USH2A: variants seen among roughly 807,000 people sequenced by gnomAD.
The protein encoded by USH2A is Usher syndrome 2A (autosomal recessive, mild).
In USH2A, 443 loss-of-function variants were observed where a neutral mutation model predicts 538.9. That is an observed-to-expected ratio of 0.82 (90% CI 0.76 to 0.89). The LOEUF is 0.89. Ranked by LOEUF, USH2A falls within the 40% of genes least tolerant of loss-of-function variation. The probability of loss-of-function intolerance (pLI) is 0.00; values close to 1 mark genes in which losing one functional copy is unlikely to be tolerated. For missense variants in USH2A, 6,633 were observed against 6,324.8 expected (o/e 1.05, Z -1.65); for synonymous variants, 2,413 against 2,273.5 (o/e 1.06, Z -1.75).
intron 35 of USH2A, among the ~76,000 whole-genome samples, chr1:215,978,941 T>C (rs1667685151): frequency 6.6e-6 from 1 of 152,166 alleles, no homozygotes; most frequent in African/African-American, 2.4e-5. Context: ...CCCAAATAGA[T>C]CAATAATCTG....
chr1:215,836,562 TATA>T (rs1462464060), intron 47 of USH2A, among the ~76,000 whole-genome samples: 730 of 27,022 alleles, frequency 0.027, 63 homozygotes, highest in Non-Finnish European at 0.037. Context: ...TATATATATA[TATA>T]TTTTTTTTTG....
At chr1:215,769,327 A>T (rs1379474354) in intron 55 of USH2A, among the ~76,000 whole-genome samples, 4 of 152,204 alleles carry the variant, frequency 2.6e-5, no homozygotes, top group Non-Finnish European at 2.9e-5. Context: ...ATAAAATTTT[A>T]GGATGGGCAT....
At chr1:215,843,885 C>G (rs1288016372) in intron 46 of USH2A, among the ~76,000 whole-genome samples, 1 of 152,086 alleles carries the variant, frequency 6.6e-6, no homozygotes. Flanking sequence ...AGTTTCATAA[C>G]TTCTCTGGAG....
intron 52 of USH2A, 145 bp from the exon 53 acceptor site, chr1:215,783,080 T>C (rs1646277434): frequency 1.5e-6 from 1 of 677,744 alleles, no homozygotes; most frequent in South Asian, 2.4e-5. Flanking sequence ...AACTCTAATA[T>C]CTTTATTTTC....
chr1:215,913,353 AG>A (rs1473642233), intron 38 of USH2A, among the ~76,000 whole-genome samples: 1 of 152,134 alleles, frequency 6.6e-6, no homozygotes, highest in Non-Finnish European at 1.5e-5. Context: ...GTATCATTAA[AG>A]GGGGCCGACT....
At chr1:215,746,453 T>A (rs918133138) in intron 58 of USH2A, among the ~76,000 whole-genome samples, 2 of 152,200 alleles carry the variant, frequency 1.3e-5, no homozygotes, top group Non-Finnish European at 2.9e-5. Context: ...TACAAAAGCC[T>A]TCTGTGAGCT....
chr1:215,982,190 T>C (rs1181964876), intron 35 of USH2A, among the ~76,000 whole-genome samples: 1 of 152,224 alleles, frequency 6.6e-6, no homozygotes, highest in East Asian at 1.9e-4. Context: ...CACTAAGCTT[T>C]CATTTCTTGA....
At chr1:216,403,475 A>T (rs1384146108) in intron 3 of USH2A, among the ~76,000 whole-genome samples, 1 of 152,144 alleles carries the variant, frequency 6.6e-6, no homozygotes. Flanking sequence ...TGGAAAGATT[A>T]AAAAAACTGC....
At chr1:216,169,429 T>C (rs938725484) in intron 21 of USH2A, among the ~76,000 whole-genome samples, 1 of 152,142 alleles carries the variant, frequency 6.6e-6, no homozygotes, top group African/African-American at 2.4e-5. Context: ...ATTGGTCTTA[T>C]GATGTAGTTG....
chr1:216,273,133 C>T (rs1379412392), intron 11 of USH2A, among the ~76,000 whole-genome samples: 1 of 152,096 alleles, frequency 6.6e-6, no homozygotes, highest in African/African-American at 2.4e-5. Flanking sequence ...ATGGCATTAG[C>T]CCCTGTGTAG....
chr1:215,912,512 C>CGT (rs1491155674), intron 38 of USH2A, among the ~76,000 whole-genome samples: 21 of 45,238 alleles, frequency 4.6e-4, no homozygotes, highest in Admixed American at 8.4e-4. Flanking sequence ...TATATATATA[C>CGT]GTGTATATAT....
At chr1:215,931,747 G>A (rs1307259460) in intron 38 of USH2A, among the ~76,000 whole-genome samples, 1 of 152,010 alleles carries the variant, frequency 6.6e-6, no homozygotes, top group Non-Finnish European at 1.5e-5. Context: ...GTCAGGTTTA[G>A]TCTAGGTGCT....
Position 215,958,327 on chromosome 1 carries a change from T to C in USH2A, c.7120+6990A>G, listed in dbSNP as rs1667119228. Among the ~76,000 whole-genome samples, 4 of 152,174 alleles carry C rather than the reference T, an allele frequency of 2.6e-5. No homozygotes were observed. In the South Asian group the frequency reaches 8.3e-4, roughly 31 times the overall value. On this transcript the variant is annotated intron_variant, in intron 37 of 71. Coordinates refer to ENST00000307340, the MANE Select transcript of USH2A (RefSeq NM_206933.4). ...AATATACTGACATTCTAAAGCACTC[T>C]TTCTGGTAACTGGCAATTCCAGGAG...
chr1:216,306,223 G>C (rs541569093), intron 9 of USH2A, among the ~76,000 whole-genome samples: 7 of 148,906 alleles, frequency 4.7e-5, no homozygotes, highest in Middle Eastern at 6.9e-3. Context: ...TTTTTTCTTT[G>C]TCTTTGTTTG....
intron 71 of USH2A, among the ~76,000 whole-genome samples, chr1:215,626,678 A>G (rs1383954302): frequency 6.6e-6 from 1 of 152,182 alleles, no homozygotes; most frequent in Non-Finnish European, 1.5e-5. Flanking sequence ...ATACAGTATA[A>G]TAGTTACAAA....
chr1:216,327,469 A>G, intron 5 of USH2A, 122 bp downstream of exon 5: 3 of 1,108,636 alleles, frequency 2.7e-6, no homozygotes, highest in Non-Finnish European at 4.0e-6. Flanking sequence ...AACATTAATT[A>G]GGTGAAGTTT....
intron 21 of USH2A, among the ~76,000 whole-genome samples, chr1:216,136,564 T>G (rs1223755477): frequency 6.6e-6 from 1 of 152,174 alleles, no homozygotes; most frequent in Non-Finnish European, 1.5e-5. Context: ...TATAATGGAT[T>G]GAATTATGTC....
At chr1:215,726,859 G>C (rs1044739445) in intron 61 of USH2A, among the ~76,000 whole-genome samples, 5 of 152,144 alleles carry the variant, frequency 3.3e-5, no homozygotes, top group Non-Finnish European at 5.9e-5. Flanking sequence ...AGTAGATAGT[G>C]GAGTTCGGGA....
intron 41 of USH2A, among the ~76,000 whole-genome samples, chr1:215,880,751 C>G (rs1341838963): frequency 1.3e-5 from 2 of 152,198 alleles, no homozygotes; most frequent in Non-Finnish European, 2.9e-5. Flanking sequence ...ATACGGCTTT[C>G]TTGCCTCTTA....
Sources: gnomAD v4.1 joint callset for allele counts (sites outside exome capture counted in the v4.1 genomes callset) on GRCh38, gnomAD v4.1.1 for gene constraint, MANE v1.5 for transcripts, NCBI Gene and HGNC (gene_info 2026-07-23, HGNC 2026-07-21) for gene names.